ANKRD45: variants seen among roughly 807,000 people sequenced by gnomAD.
The protein encoded by ANKRD45 is ankyrin repeat domain-containing protein 45.
Under a neutral mutation model 28.1 loss-of-function variants are expected in ANKRD45, and 21 were observed. That is an observed-to-expected ratio of 0.75 (90% CI 0.53 to 1.08). ANKRD45 has a LOEUF of 1.08. Ranked by LOEUF, ANKRD45 falls within the 50% of genes least tolerant of loss-of-function variation. The pLI, the probability that ANKRD45 is intolerant of heterozygous loss-of-function variation, is 0.00. For missense variants in ANKRD45, 261 were observed against 308.7 expected (o/e 0.85, Z 1.16); for synonymous variants, 86 against 103.9 (o/e 0.83, Z 1.05).
intron 5 of ANKRD45, among the ~76,000 whole-genome samples, chr1:173,615,221 C>G (rs771271734): frequency 6.6e-6 from 1 of 151,722 alleles, no homozygotes; most frequent in Non-Finnish European, 1.5e-5. Flanking sequence ...CCCATCTCTA[C>G]TAAAAATGCA....
rs375534972 is a variant in ANKRD45 at position 173,647,133 on chromosome 1, TCTAA to T, written c.329-124_329-121del. ...ACAATTACTGTGGGCCAGGCACTAT[TCTAA>T]CTGTCTTACATATAGAAAACTCATT... On this transcript the variant is annotated intron_variant, in intron 2 of 5. Coordinates refer to ENST00000333279, the MANE Select transcript of ANKRD45 (RefSeq NM_198493.3). 1.3e-5 allele frequency: 12 copies of T among 908,210 alleles called. 1 individual carries two copies. The highest frequency in any genetic ancestry group is 8.3e-5 in the African/African-American group (5 of 59,958). The allele number at this position is 908,210 out of a possible 1,614,324, so 56.3% of individuals were successfully genotyped here. A position where few individuals can be genotyped will look rare whatever the true frequency, so the allele number is the denominator to read the frequency against.
intron 1 of ANKRD45, among the ~76,000 whole-genome samples, chr1:173,665,085 GTCA>G (rs769176142): frequency 8.5e-5 from 13 of 152,054 alleles, no homozygotes; most frequent in Non-Finnish European, 1.5e-4. Flanking sequence ...TCATTATTAG[GTCA>G]TCATCAAACC....
the ANKRD45 span, among the ~76,000 whole-genome samples, chr1:173,693,118 G>A: frequency 6.6e-6 from 1 of 152,114 alleles, no homozygotes; most frequent in African/African-American, 2.4e-5. Flanking sequence ...GGCCAACAAT[G>A]GTGAAACTCC....
chr1:173,678,031 A>G, the ANKRD45 span, among the ~76,000 whole-genome samples: 3 of 152,188 alleles, frequency 2.0e-5, no homozygotes, highest in Non-Finnish European at 2.9e-5. Context: ...ACATGAGTTG[A>G]AAGAGAGCTT....
the ANKRD45 span, among the ~76,000 whole-genome samples, chr1:173,713,088 T>C: frequency 1.3e-5 from 2 of 152,218 alleles, no homozygotes; most frequent in African/African-American, 4.8e-5. Context: ...ATACCATTTA[T>C]GAAAAGTTTT....
chr1:173,644,457 T>TG (rs1205926628), intron 3 of ANKRD45, among the ~76,000 whole-genome samples: 1 of 152,226 alleles, frequency 6.6e-6, no homozygotes, highest in Non-Finnish European at 1.5e-5. Context: ...ATCATTGATC[T>TG]GGAAACACAA....
intron 5 of ANKRD45, among the ~76,000 whole-genome samples, chr1:173,613,562 G>GCCCC (rs1281895834): frequency 5.7e-5 from 6 of 105,774 alleles, no homozygotes; most frequent in African/African-American, 3.4e-4. Context: ...TGGGGGGTCA[G>GCCCC]CCCCCCCCCC....
intron 2 of ANKRD45, among the ~76,000 whole-genome samples, chr1:173,648,140 A>C (rs533825807): frequency 6.6e-6 from 1 of 152,058 alleles, no homozygotes; most frequent in Admixed American, 6.5e-5. Context: ...GGGTTTCATC[A>C]TGTTGGCCAG....
chr1:173,665,866 T>G, intron 1 of ANKRD45, among the ~76,000 whole-genome samples: 1 of 150,370 alleles, frequency 6.7e-6, no homozygotes. Context: ...GAAAAAAAAA[T>G]AGCTGAGCAT....
chr1:173,636,839 G>T, intron 3 of ANKRD45: 1 of 1,535,278 alleles, frequency 6.5e-7, no homozygotes, highest in African/African-American at 1.4e-5. Context: ...GAAAAAGCAA[G>T]CCTCCTTAGA....
intron 1 of ANKRD45, among the ~76,000 whole-genome samples, chr1:173,665,283 C>T (rs1435961038): frequency 3.9e-5 from 6 of 152,162 alleles, no homozygotes; most frequent in Non-Finnish European, 7.4e-5. Context: ...GCTCACAATC[C>T]TCCTGCCTCC....
chr1:173,610,008 C>T lies in ANKRD45; in HGVS notation c.*137G>A. The T allele has an allele frequency of 1.1e-6, 1 of 887,734 alleles. No homozygotes were observed. The allele number at this position is 887,734 out of a possible 1,614,324, so 55.0% of individuals were successfully genotyped here. On this transcript the variant is annotated 3_prime_UTR_variant, in exon 6 of 6. Transcript: ENST00000333279. ...CCGGACATAAGCATGCTGAACAGGT[C>T]AAACAAAACAAGGGCGATGTAATGT...
At chr1:173,701,002 G>A in the ANKRD45 span, among the ~76,000 whole-genome samples, 2 of 152,120 alleles carry the variant, frequency 1.3e-5, no homozygotes, top group Admixed American at 1.3e-4. Flanking sequence ...TCAAAAAGTG[G>A]GCAAAGGATA....
chr1:173,627,461 T>C lies in ANKRD45; in HGVS notation c.497-302A>G, dbSNP rs749472960. On this transcript the variant is annotated intron_variant, in intron 3 of 5. Transcript: ENST00000333279. ...ACACAGTGCAGACAGAGAATCTATA[T>C]GCTTGAGGGAGAGCACAGTGACTGT... 7.2e-5 allele frequency among the ~76,000 whole-genome samples: 11 copies of C among 152,308 alleles called. No individual in the cohort carries two copies. In the South Asian group the frequency reaches 1.0e-3, roughly 14 times the overall value.
the ANKRD45 span, among the ~76,000 whole-genome samples, chr1:173,704,714 A>G: frequency 6.6e-6 from 1 of 152,204 alleles, no homozygotes; most frequent in Non-Finnish European, 1.5e-5. Context: ...CAGGTGGTCC[A>G]ATACCAAAAT....
At chr1:173,618,910 G>A (rs1241102095) in intron 5 of ANKRD45, among the ~76,000 whole-genome samples, 8 of 152,144 alleles carry the variant, frequency 5.3e-5, no homozygotes, top group Admixed American at 2.0e-4. Flanking sequence ...CACCTACAAC[G>A]GGTAACCCAT....
At chr1:173,669,354 G>C in intron 1 of ANKRD45, 1 of 441,988 alleles carries the variant, frequency 2.3e-6, no homozygotes, top group East Asian at 7.0e-5. Context: ...TGTGATAGAG[G>C]AGTAGATCCT....
intron 2 of ANKRD45, among the ~76,000 whole-genome samples, chr1:173,650,782 A>G (rs1175137356): frequency 6.6e-6 from 1 of 152,118 alleles, no homozygotes; most frequent in Non-Finnish European, 1.5e-5. Flanking sequence ...TTTAATCATC[A>G]CCATTCTAAC....
chr1:173,659,875 T>TA (rs1051175968), intron 1 of ANKRD45, among the ~76,000 whole-genome samples: 2 of 152,188 alleles, frequency 1.3e-5, no homozygotes, highest in Non-Finnish European at 2.9e-5. Flanking sequence ...ATTCAGTCAG[T>TA]AACACATACT....
Sources: gnomAD v4.1 joint callset for allele counts (sites outside exome capture counted in the v4.1 genomes callset) on GRCh38, gnomAD v4.1.1 for gene constraint, MANE v1.5 for transcripts, NCBI Gene and HGNC (gene_info 2026-07-23, HGNC 2026-07-21) for gene names.